Variants in AXIN2 observed in about 807,000 individuals in gnomAD.
AXIN2 encodes axin 2.
AXIN2 carries 21 observed loss-of-function variants against 74.7 expected under a neutral mutation model. The ratio of observed to expected loss-of-function variants is 0.28; its 90% CI spans 0.20 to 0.40. AXIN2 has a LOEUF of 0.40. Ranked by LOEUF, AXIN2 falls within the 10% of genes least tolerant of loss-of-function variation. The pLI, the probability that AXIN2 is intolerant of heterozygous loss-of-function variation, is 1.00. For synonymous variants in AXIN2, 532 were observed against 454.9 expected (o/e 1.17, Z -2.16); for missense variants, 1,144 against 1,111.1 (o/e 1.03, Z -0.42).
chr17:65,544,717 G>A (rs530784424), intron 3 of AXIN2, among the ~76,000 whole-genome samples: 2 of 152,244 alleles, frequency 1.3e-5, no homozygotes, highest in African/African-American at 2.4e-5. Flanking sequence ...TTTAGTTAAC[G>A]AGCCTGCTGC....
rs754428008 is a variant in AXIN2, at chr17:65,549,528, G to A, written c.948C>T (p.Asp316=). Residue 316 remains aspartate, a synonymous_variant, in exon 3 of 11, where the codon GAC becomes GAT. Coordinates refer to ENST00000307078, the MANE Select transcript of AXIN2 (RefSeq NM_004655.4). ...ALTDDSMSMT[D]SSVDGIPPYR... ...GTGGCCAGGATACTCACACACTGCT[G>A]TCCGTCATGGACATGGAATCATCCG... 8 of 1,612,470 alleles carry A rather than the reference G, an allele frequency of 5.0e-6. No homozygotes were observed. The Admixed American group carries it at 1.3e-4, about 27-fold the overall frequency.
rs2043778103 is a variant in AXIN2, at chr17:65,529,331, C to T, written c.*645G>A. ...AACCCTCAAGACCTTTAAGACAAAACAGAGCAGCATAGGAAAAAAAAAAAC... is the reference window on the plus strand; with the variant it reads ...AACCCTCAAGACCTTTAAGACAAAATAGAGCAGCATAGGAAAAAAAAAAAC... On this transcript the variant is annotated 3_prime_UTR_variant, in exon 11 of 11. Coordinates refer to ENST00000307078, the MANE Select transcript of AXIN2 (RefSeq NM_004655.4). The T allele has an allele frequency of 8.4e-6, 2 of 238,712 alleles. No individual in the cohort carries two copies. Among genetic ancestry groups the T allele is most frequent in the African/African-American group, 2.2e-5 (1 of 45,166 alleles). The allele number at this position is 238,712 out of a possible 1,614,324, so 14.8% of individuals were successfully genotyped here.
chr17:65,538,088 T>C, intron 5 of AXIN2, 115 bp downstream of exon 5: 1 of 1,565,268 alleles, frequency 6.4e-7, no homozygotes, highest in East Asian at 2.3e-5. Flanking sequence ...CCCACGCGCA[T>C]GCGCATGCAA....
intron 2 of AXIN2, among the ~76,000 whole-genome samples, chr17:65,553,673 A>G (rs1471474663): frequency 6.6e-6 from 1 of 152,166 alleles, no homozygotes; most frequent in Non-Finnish European, 1.5e-5. Context: ...GTTGACTGCA[A>G]TAAAGTACTT....
rs1408492605 is a variant in AXIN2 at position 65,537,549 on chromosome 17, G to T, written c.1487C>A (p.Ala496Asp). ...GCCTTTGCCCCCGAGGAGGGGGCAG[G>T]CGCCCGGCGAGGCGGCCGCGGGAGG... ...KLPPAAASPGACPLLGGKGFV... is the reference protein window; with the variant it reads ...KLPPAAASPGDCPLLGGKGFV... Residue 496 changes from alanine (A) to aspartate (D), a missense_variant, in exon 6 of 11, where the codon GCC becomes GAC. Ala to Asp is a moderately radical substitution (Grantham distance 126). Around this residue, in one of 4 missense-constraint regions of AXIN2, gnomAD observed 1,053 missense variants for 973.5 expected, o/e 1.08. Transcript: ENST00000307078. 1 of 1,612,788 alleles carries T rather than the reference G, an allele frequency of 6.2e-7. No homozygotes were observed. Among genetic ancestry groups the T allele is most frequent in the Non-Finnish European group, 8.5e-7 (1 of 1,179,690 alleles).
At position 65,537,837 on chromosome 17, in the gene AXIN2, T is replaced by C. The variant is rs775783026; in HGVS notation, c.1201-2A>G. ...CTCGGAGCCCTCTCTCTCTTCATCC[T>C]GAAAGGGAAGACGTCAGAAGGAGAA... is the stretch of plus-strand genomic sequence containing the variant. On this transcript the variant is annotated splice_acceptor_variant, in intron 5 of 10. Coordinates refer to ENST00000307078, the MANE Select transcript of AXIN2 (RefSeq NM_004655.4). LOFTEE classifies it high-confidence loss of function. 7.1e-6 allele frequency: 11 copies of C among 1,547,836 alleles called. No homozygotes were observed. The highest frequency in any genetic ancestry group is 2.7e-5 in the African/African-American group (2 of 72,956).
intron 2 of AXIN2, among the ~76,000 whole-genome samples, chr17:65,552,300 C>T (rs1483643760): frequency 6.6e-6 from 1 of 152,214 alleles, no homozygotes; most frequent in Non-Finnish European, 1.5e-5. Context: ...GAAAAAAATA[C>T]TTCTAAATGG....
At chr17:65,536,272 C>A in intron 8 of AXIN2, 48 bp downstream of exon 8, 1 of 1,550,816 alleles carries the variant, frequency 6.4e-7, no homozygotes, top group South Asian at 1.2e-5. Context: ...CAGGTCTCCA[C>A]CCAAACCCAA....
rs1310922131 is a variant in AXIN2 at position 65,557,963 on chromosome 17, C to T, written c.658G>A (p.Val220Ile). ...MSNGGLGSLK[V>I]VCGYLPTLNE... ...AAGGTGGGGAGATAGCCACACACGACCTTTAGGCTCCCGAGTCCCCCATTA... is the reference window on the plus strand; with the variant it reads ...AAGGTGGGGAGATAGCCACACACGATCTTTAGGCTCCCGAGTCCCCCATTA... Residue 220 changes from valine (V) to isoleucine (I), a missense_variant, in exon 2 of 11, where the codon GTC (valine) becomes ATC (isoleucine). Coordinates refer to ENST00000307078, the MANE Select transcript of AXIN2 (RefSeq NM_004655.4). 6.2e-7 allele frequency: 1 copy of T among 1,614,198 alleles called. No homozygotes were observed. Among genetic ancestry groups the T allele is most frequent in the South Asian group, 1.1e-5 (1 of 91,078 alleles).
chr17:65,556,360 T>G (rs915730753), intron 2 of AXIN2, among the ~76,000 whole-genome samples: 19 of 152,100 alleles, frequency 1.2e-4, no homozygotes, highest in Admixed American at 1.1e-3. Flanking sequence ...CCAAATGGTC[T>G]CATAATGGGG....
chr17:65,554,010 G>C (rs531800339), intron 2 of AXIN2, among the ~76,000 whole-genome samples: 5 of 152,258 alleles, frequency 3.3e-5, no homozygotes, highest in African/African-American at 1.2e-4. Context: ...CCACAGACCT[G>C]GTTTGCAACC....
chr17:65,543,796 G>T (rs1277430310), intron 3 of AXIN2, among the ~76,000 whole-genome samples: 3 of 152,158 alleles, frequency 2.0e-5, no homozygotes, highest in African/African-American at 7.2e-5. Flanking sequence ...AGGCATGAGG[G>T]GGAAATTTGT....
intron 10 of AXIN2, 115 bp downstream of exon 10, chr17:65,533,797 G>GC: frequency 1.0e-6 from 1 of 989,830 alleles, no homozygotes; most frequent in South Asian, 1.4e-5. Flanking sequence ...CGCCTGCTGA[G>GC]CCCCCTCCCA....
chr17:65,553,846 G>GA (rs1567765912), intron 2 of AXIN2, among the ~76,000 whole-genome samples: 1 of 101,266 alleles, frequency 9.9e-6, no homozygotes, highest in Admixed American at 9.3e-5. Flanking sequence ...AAAAAAAAAG[G>GA]CGGGGGGGGG....
intron 1 of AXIN2, chr17:65,560,922 G>T (rs1435720346): frequency 6.8e-6 from 1 of 147,802 alleles, no homozygotes; most frequent in South Asian, 2.1e-4. Flanking sequence ...GCAGCCCCGG[G>T]CCCCCCCGGG....
chr17:65,538,091 GCATGCAACCCACGCA>G, intron 5 of AXIN2, 97 bp downstream of exon 5: 2 of 1,569,272 alleles, frequency 1.3e-6, no homozygotes, highest in Non-Finnish European at 1.7e-6. Context: ...ACGCGCATGC[GCATGCAACCCACGCA>G]CATGCGCACA....
chr17:65,550,282 T>C (rs972130762), intron 2 of AXIN2, among the ~76,000 whole-genome samples: 3 of 152,180 alleles, frequency 2.0e-5, no homozygotes, highest in Admixed American at 6.5e-5. Flanking sequence ...CCATGAGCCG[T>C]TGCCATGCCC....
intron 2 of AXIN2, among the ~76,000 whole-genome samples, chr17:65,550,779 A>G (rs894361442): frequency 3.3e-5 from 5 of 152,350 alleles, no homozygotes; most frequent in Admixed American, 6.5e-5. Flanking sequence ...AGCTGTCTGC[A>G]CATGTTCACC....
At chr17:65,531,683 A>G (rs7223965) in intron 10 of AXIN2, among the ~76,000 whole-genome samples, 139,666 of 152,058 alleles carry the variant, frequency 0.92, 64,274 homozygotes, top group African/African-American at 0.98. Flanking sequence ...ACATTCTCTC[A>G]GCCCCACCCC....
Sources: gnomAD v4.1 joint callset for allele counts (sites outside exome capture counted in the v4.1 genomes callset) on GRCh38, gnomAD v4.1.1 for gene constraint, gnomAD v4.1.1 regional missense constraint, MANE v1.5 for transcripts, NCBI Gene and HGNC (gene_info 2026-07-23, HGNC 2026-07-21) for gene names.